The following DDX52 variants were observed in gnomAD, a reference collection of about 807,000 sequenced individuals.
DDX52 encodes probable ATP-dependent RNA helicase DDX52.
A neutral mutation model predicts 76.1 loss-of-function variants in DDX52; 59 were observed. That is an observed-to-expected ratio of 0.78 (90% CI 0.63 to 0.96). DDX52 has a LOEUF of 0.96. DDX52 is among the 40% of genes least tolerant of loss of function. The pLI is 0.00. For synonymous variants in DDX52, 231 were observed against 244.1 expected, an observed-to-expected ratio of 0.95 and a Z score of 0.50; for missense variants, 707 against 703.9, an observed-to-expected ratio of 1.00 and a Z score of -0.05.
chr17:37,614,459 T>A, intron 14 of DDX52, 106 bp from the exon 15 acceptor site: 1 of 1,086,986 alleles, frequency 9.2e-7, no homozygotes, highest in Non-Finnish European at 1.3e-6. Flanking sequence ...CTACTGTGTA[T>A]CAAATAATGA....
chr17:37,613,609 C>G lies in DDX52; in HGVS notation c.*687G>C, dbSNP rs528616626. ...ATCCCAGGGAACTGGAATAACCAGCCACAAAAGAGGCCTCTCTTTGTTGTG... is the reference window on the plus strand; with the variant it reads ...ATCCCAGGGAACTGGAATAACCAGCGACAAAAGAGGCCTCTCTTTGTTGTG... On this transcript the variant is annotated 3_prime_UTR_variant, in exon 15 of 15. Coordinates refer to ENST00000617633, the MANE Select transcript of DDX52 (RefSeq NM_007010.5). The G allele has an allele frequency of 4.6e-5, 7 of 152,296 alleles. No individual in the cohort carries two copies. The highest frequency in any genetic ancestry group is 4.6e-4 in the Admixed American group (7 of 15,284). 9.4% of individuals were successfully genotyped at this position (152,296 alleles called of 1,614,324 possible). A position where few individuals can be genotyped will look rare whatever the true frequency, so the allele number is the denominator to read the frequency against.
intron 14 of DDX52, 146 bp from the exon 15 acceptor site, chr17:37,614,499 A>G: frequency 1.4e-6 from 1 of 739,310 alleles, no homozygotes; most frequent in Non-Finnish European, 2.2e-6. Flanking sequence ...TGCATTAGAC[A>G]TGGTCTCTGC....
chr17:37,617,440 C>A lies in DDX52; in HGVS notation c.1742+852G>T, dbSNP rs910828353. Among the ~76,000 whole-genome samples the A allele has an allele frequency of 3.9e-5, 6 of 152,276 alleles. 1 individual carries two copies. In the South Asian group the frequency reaches 1.2e-3, roughly 32 times the overall value. ...AGTATAACTGTTCAAAATATCTTGGCCTATCCTTTTCAAAATATAAAGCTT... is the reference window on the plus strand; with the variant it reads ...AGTATAACTGTTCAAAATATCTTGGACTATCCTTTTCAAAATATAAAGCTT... On this transcript the variant is annotated intron_variant, in intron 14 of 14. Transcript: ENST00000617633.
intron 9 of DDX52, among the ~76,000 whole-genome samples, chr17:37,621,994 C>G (rs2030122070): frequency 6.6e-6 from 1 of 151,968 alleles, no homozygotes; most frequent in East Asian, 1.9e-4. Context: ...TTTTAGTGTA[C>G]CCATCACCCC....
At position 37,621,404 on chromosome 17, in the gene DDX52, T is replaced by A; in HGVS notation, c.1344A>T (p.Gln448His). 1 of 1,612,012 alleles carries A rather than the reference T, an allele frequency of 6.2e-7. No homozygotes were observed. The highest frequency in any genetic ancestry group is 1.7e-4 in the Middle Eastern group (1 of 6,052). ...NVDVIHAERT[Q>H]QQRDNTVHSF... The stretch of plus-strand genomic sequence containing the variant: ...AGTATATATTTGACTTTACCTGTTG[T>A]TGTGTTCTCTCTGCATGAATAACAT... Residue 448 changes from glutamine to histidine, a missense_variant, in exon 10 of 15, where the codon CAA (glutamine) becomes CAT (histidine). Gln to His is a conservative substitution (Grantham distance 24). Coordinates refer to ENST00000617633, the MANE Select transcript of DDX52 (RefSeq NM_007010.5).
chr17:37,620,381 C>A (rs1317038439), intron 12 of DDX52: 2 of 163,256 alleles, frequency 1.2e-5, no homozygotes, highest in African/African-American at 4.8e-5. Context: ...CCCCTCTACA[C>A]ACGCACATTT....
Position 37,643,411 on chromosome 17 carries a change from G to C in DDX52, c.10C>G (p.His4Asp). Reference sequence around the variant, plus strand: ...GCGCCGAGCCGGCGAAAGAGATCGTGGACGTCCATCTTTACCCAGAAAGCG... The same window carrying C: ...GCGCCGAGCCGGCGAAAGAGATCGTCGACGTCCATCTTTACCCAGAAAGCG... MDV[H>D]DLFRRLGAGA... is the part of the protein sequence containing the mutation. The change falls in exon 1 of 15, where the codon CAC (histidine) becomes GAC (aspartate). Residue 4 changes from histidine to aspartate, a missense_variant. Coordinates refer to ENST00000617633, the MANE Select transcript of DDX52 (RefSeq NM_007010.5). The C allele has an allele frequency of 6.2e-6, 10 of 1,613,942 alleles. No individual in the cohort carries two copies. The highest frequency in any genetic ancestry group is 8.5e-6 in the Non-Finnish European group (10 of 1,179,920).
Position 37,626,050 on chromosome 17 carries a change from G to C in DDX52, c.981C>G (p.Gly327=). The C allele has an allele frequency of 6.2e-7, 1 of 1,614,080 alleles. No individual in the cohort carries two copies. The highest frequency in any genetic ancestry group is 8.5e-7 in the Non-Finnish European group (1 of 1,180,024). ...VDESDKLFED[G]KTGFRDQLAS... is the part of the protein sequence containing the mutation. ...CCAGCTGGTCTCTGAACCCAGTTTT[G>C]CCATCTTCAAACAGTTTATCTGATT... The change falls in exon 8 of 15, where the codon GGC becomes GGG. Residue 327 remains glycine, a synonymous_variant. Transcript: ENST00000617633.
At chr17:37,633,959 T>TC (rs1658175030) in intron 2 of DDX52, among the ~76,000 whole-genome samples, 1 of 132,734 alleles carries the variant, frequency 7.5e-6, no homozygotes, top group African/African-American at 2.7e-5. Flanking sequence ...TTTTTTTTTT[T>TC]GTTTGAGACA....
At chr17:37,634,172 C>T (rs2030820343) in intron 2 of DDX52, among the ~76,000 whole-genome samples, 2 of 151,406 alleles carry the variant, frequency 1.3e-5, no homozygotes, top group African/African-American at 4.8e-5. Flanking sequence ...TGGTCTCAAA[C>T]ACCTGACCTC....
chr17:37,629,992 A>C (rs771311134), intron 5 of DDX52, 38 bp downstream of exon 5: 2 of 1,568,744 alleles, frequency 1.3e-6, no homozygotes, highest in East Asian at 2.3e-5. Context: ...ACTGAAGTAA[A>C]AACCAATCGC....
intron 5 of DDX52, among the ~76,000 whole-genome samples, chr17:37,629,100 A>C (rs1295270706): frequency 6.6e-6 from 1 of 151,940 alleles, no homozygotes; most frequent in Admixed American, 6.6e-5. Context: ...GCGCACCTGT[A>C]ATCTCAGTTA....
intron 5 of DDX52, among the ~76,000 whole-genome samples, chr17:37,629,012 G>C (rs1478659600): frequency 6.6e-6 from 1 of 152,130 alleles, no homozygotes; most frequent in Non-Finnish European, 1.5e-5. Flanking sequence ...GAGGCCAGGA[G>C]TTCCAGACCA....
rs1039541796 is a variant in DDX52, at chr17:37,611,354, T to C, written c.*2942A>G. Reference sequence around the variant, plus strand: ...GTTTTTAACAAAAAAGTTTTAGAAGTAAATAGTAAAACAAAACAAACAAAC... The same window carrying C: ...GTTTTTAACAAAAAAGTTTTAGAAGCAAATAGTAAAACAAAACAAACAAAC... On this transcript the variant is annotated 3_prime_UTR_variant, in exon 15 of 15. Transcript: ENST00000617633. 4 of 151,714 alleles carry C rather than the reference T, an allele frequency of 2.6e-5. No individual in the cohort carries two copies. Among genetic ancestry groups the C allele is most frequent in the African/African-American group, 9.7e-5 (4 of 41,212 alleles). 9.4% of individuals were successfully genotyped at this position (151,714 alleles called of 1,614,324 possible). A position where few individuals can be genotyped will look rare whatever the true frequency, so the allele number is the denominator to read the frequency against.
At chr17:37,626,761 C>G in intron 7 of DDX52, 27 bp downstream of exon 7, 1 of 1,590,772 alleles carries the variant, frequency 6.3e-7, no homozygotes, top group Non-Finnish European at 8.6e-7. Flanking sequence ...AAAATACACA[C>G]GAAAGACATG....
intron 2 of DDX52, among the ~76,000 whole-genome samples, chr17:37,633,940 CTTTT>C (rs557054736): frequency 1.6e-4 from 21 of 130,002 alleles, no homozygotes; most frequent in African/African-American, 4.7e-4. Context: ...AATTTCTTTC[CTTTT>C]TTTTTTTTTT....
chr17:37,612,758 T>G lies in DDX52; in HGVS notation c.*1538A>C, dbSNP rs1239132742. 1 of 152,214 alleles carries G rather than the reference T, an allele frequency of 6.6e-6. No homozygotes were observed. Among genetic ancestry groups the G allele is most frequent in the African/African-American group, 2.4e-5 (1 of 41,448 alleles). The allele number at this position is 152,214 out of a possible 1,614,324, so 9.4% of individuals were successfully genotyped here. On this transcript the variant is annotated 3_prime_UTR_variant, in exon 15 of 15. Coordinates refer to ENST00000617633, the MANE Select transcript of DDX52 (RefSeq NM_007010.5). Reference sequence around the variant, plus strand: ...AGAAATATTTATTGTGAGTTTACTATGTATCAGGTACAGTGCTAGGTACTC... The same window carrying G: ...AGAAATATTTATTGTGAGTTTACTAGGTATCAGGTACAGTGCTAGGTACTC...
At chr17:37,618,412 A>G in intron 13 of DDX52, 28 bp from the exon 14 acceptor site, 1 of 1,536,750 alleles carries the variant, frequency 6.5e-7, no homozygotes. Flanking sequence ...AAAAAGGAAA[A>G]GAATTAAGTG....
intron 13 of DDX52, among the ~76,000 whole-genome samples, chr17:37,619,391 T>A (rs2029957174): frequency 6.6e-6 from 1 of 152,094 alleles, no homozygotes; most frequent in East Asian, 1.9e-4. Flanking sequence ...GGAAATAACA[T>A]GTAATATTCA....
Sources: allele counts gnomAD v4.1 joint callset (sites outside exome capture counted in the v4.1 genomes callset), GRCh38; gene constraint gnomAD v4.1.1; transcripts MANE v1.5; gene names NCBI Gene and HGNC (gene_info 2026-07-23, HGNC 2026-07-21).